WWOX: variants seen among roughly 807,000 people sequenced by gnomAD.
The protein encoded by WWOX is WW domain containing oxidoreductase, also known as WW domain-containing oxidoreductase.
A neutral mutation model predicts 46.2 loss-of-function variants in WWOX; 69 were observed. The observed-to-expected ratio is 1.49, with a 90% CI of 1.23 to 1.82. The LOEUF (loss-of-function observed/expected upper bound fraction) is 1.82, where lower values mean the gene tolerates loss of function less well. Ranked by LOEUF, WWOX falls within the 40% of genes most tolerant of loss-of-function variation. The pLI, the probability that WWOX is intolerant of heterozygous loss-of-function variation, is 0.00. For missense variants in WWOX, 919 were observed against 542.6 expected (o/e 1.69, Z -6.89); for synonymous variants, 359 against 202.6 (o/e 1.77, Z -6.56).
At chr16:78,245,464 G>C (rs1227140200) in intron 5 of WWOX, among the ~76,000 whole-genome samples, 1 of 152,154 alleles carries the variant, frequency 6.6e-6, no homozygotes, top group African/African-American at 2.4e-5. Context: ...ATATTAACTT[G>C]GGCCAGAAAT....
At chr16:78,705,139 A>G (rs2048304842) in intron 8 of WWOX, among the ~76,000 whole-genome samples, 1 of 151,980 alleles carries the variant, frequency 6.6e-6, no homozygotes, top group Non-Finnish European at 1.5e-5. Context: ...AAAGGCTGTG[A>G]TTTTCTTTGA....
At chr16:78,371,122 C>T (rs1213200834) in intron 5 of WWOX, among the ~76,000 whole-genome samples, 1 of 151,664 alleles carries the variant, frequency 6.6e-6, no homozygotes, top group Non-Finnish European at 1.5e-5. Flanking sequence ...TTTGACATAC[C>T]TAGGTAATTT....
intron 5 of WWOX, among the ~76,000 whole-genome samples, chr16:78,175,098 G>A (rs1289808909): frequency 4.6e-5 from 7 of 152,084 alleles, no homozygotes; most frequent in Middle Eastern, 6.9e-3. Flanking sequence ...CCTTCCATCC[G>A]TAGAGGGCAG....
chr16:79,209,451 A>T (rs971912321), intron 8 of WWOX, among the ~76,000 whole-genome samples: 11 of 152,216 alleles, frequency 7.2e-5, no homozygotes, highest in Non-Finnish European at 1.2e-4. Flanking sequence ...GCTTGGCAGA[A>T]CAGTGAAAGG....
At chr16:78,108,636 G>T in intron 2 of WWOX, 149 bp downstream of exon 2, 1 of 869,906 alleles carries the variant, frequency 1.1e-6, no homozygotes, top group Non-Finnish European at 1.9e-6. Flanking sequence ...TATGGGATTT[G>T]GCAGAAGAAG....
At chr16:78,940,870 C>T (rs75855643) in intron 8 of WWOX, among the ~76,000 whole-genome samples, 3,299 of 151,932 alleles carry the variant, frequency 0.022, 164 homozygotes, top group East Asian at 0.21. Context: ...TAAGTTGTAT[C>T]GATCATGTAT....
At chr16:78,907,962 C>T (rs2045009571) in intron 8 of WWOX, among the ~76,000 whole-genome samples, 1 of 152,162 alleles carries the variant, frequency 6.6e-6, no homozygotes, top group African/African-American at 2.4e-5. Flanking sequence ...AGGCTGGGAT[C>T]AGTGCACAGC....
intron 8 of WWOX, among the ~76,000 whole-genome samples, chr16:78,915,698 T>A (rs116550443): frequency 0.013 from 2,036 of 151,090 alleles, 37 homozygotes; most frequent in African/African-American, 0.039. Context: ...CAAAGCCATT[T>A]AAAAAAAAAA....
intron 5 of WWOX, among the ~76,000 whole-genome samples, chr16:78,267,455 A>G (rs1315691972): frequency 6.6e-6 from 1 of 152,242 alleles, no homozygotes; most frequent in Non-Finnish European, 1.5e-5. Flanking sequence ...AAAATGTGAA[A>G]GTCAGTGTAA....
At chr16:78,615,728 G>A (rs2046006637) in intron 8 of WWOX, among the ~76,000 whole-genome samples, 1 of 151,732 alleles carries the variant, frequency 6.6e-6, no homozygotes, top group Non-Finnish European at 1.5e-5. Context: ...AGGAAGAAAT[G>A]CTGTTTTAGG....
At chr16:78,965,863 A>T (rs2046354668) in intron 8 of WWOX, among the ~76,000 whole-genome samples, 1 of 152,186 alleles carries the variant, frequency 6.6e-6, no homozygotes, top group Non-Finnish European at 1.5e-5. Context: ...TCTTAGATTA[A>T]CACTATTAGA....
At chr16:78,998,367 T>G (rs1010929006) in intron 8 of WWOX, among the ~76,000 whole-genome samples, 1 of 152,158 alleles carries the variant, frequency 6.6e-6, no homozygotes, top group Non-Finnish European at 1.5e-5. Flanking sequence ...TTTCACGCTT[T>G]GTACTCGGGC....
At chr16:78,555,167 G>GAA (rs2044264233) in intron 8 of WWOX, among the ~76,000 whole-genome samples, 3 of 13,400 alleles carry the variant, frequency 2.2e-4, no homozygotes, top group Non-Finnish European at 3.2e-4. Flanking sequence ...CTATGATTTT[G>GAA]TAAAAAAAAA....
intron 8 of WWOX, among the ~76,000 whole-genome samples, chr16:79,009,275 C>T (rs2047255306): frequency 6.6e-6 from 1 of 152,186 alleles, no homozygotes; most frequent in Non-Finnish European, 1.5e-5. Context: ...GTTTCTCCTG[C>T]TCTTTGCAGA....
intron 8 of WWOX, among the ~76,000 whole-genome samples, chr16:78,914,265 G>C (rs16948874): frequency 0.031 from 4,722 of 151,918 alleles, 138 homozygotes; most frequent in Middle Eastern, 0.054. Flanking sequence ...TAATTTATTA[G>C]TATTGCCTTC....
intron 8 of WWOX, among the ~76,000 whole-genome samples, chr16:78,600,731 C>T (rs907306630): frequency 6.6e-6 from 1 of 152,124 alleles, no homozygotes; most frequent in Non-Finnish European, 1.5e-5. Context: ...AAGCATAAGC[C>T]CTGAAGTCTG....
intron 8 of WWOX, among the ~76,000 whole-genome samples, chr16:78,796,072 G>A (rs2050728119): frequency 6.6e-6 from 1 of 152,174 alleles, no homozygotes; most frequent in Non-Finnish European, 1.5e-5. Context: ...AAATACTTTA[G>A]ACTGGCTAAG....
chr16:78,753,163 G>A (rs890238029), intron 8 of WWOX, among the ~76,000 whole-genome samples: 12 of 152,096 alleles, frequency 7.9e-5, no homozygotes, highest in Admixed American at 3.9e-4. Context: ...AGCCGGGCGT[G>A]GGGGCAGGCG....
chr16:78,141,993 CTTTT>C (rs34178361), intron 4 of WWOX, among the ~76,000 whole-genome samples: 1 of 145,926 alleles, frequency 6.9e-6, no homozygotes, highest in Non-Finnish European at 1.5e-5. Flanking sequence ...TTTTAAATTT[CTTTT>C]TTTTTTTTTT....
Sources: allele counts gnomAD v4.1 joint callset (sites outside exome capture counted in the v4.1 genomes callset), GRCh38; gene constraint gnomAD v4.1.1; transcripts MANE v1.5; gene names NCBI Gene and HGNC (gene_info 2026-07-23, HGNC 2026-07-21).